KCNG3: variants seen among roughly 807,000 people sequenced by gnomAD.
KCNG3 encodes the protein voltage-gated potassium channel regulatory subunit KCNG3.
In KCNG3, 15 loss-of-function variants were observed where a neutral mutation model predicts 29.0. The observed-to-expected ratio is 0.52, with a 90% CI of 0.35 to 0.80. The LOEUF (loss-of-function observed/expected upper bound fraction) is 0.80, where lower values mean the gene tolerates loss of function less well. KCNG3 is among the 30% of genes least tolerant of loss of function. The probability of loss-of-function intolerance (pLI) is 0.01; values close to 1 mark genes in which losing one functional copy is unlikely to be tolerated. For missense variants in KCNG3, 512 were observed against 605.7 expected (o/e 0.85, Z 1.62); for synonymous variants, 322 against 248.9 (o/e 1.29, Z -2.76).
At chr2:42,391,227 C>T in the KCNG3 span, among the ~76,000 whole-genome samples, 2 of 152,116 alleles carry the variant, frequency 1.3e-5, no homozygotes, top group Non-Finnish European at 2.9e-5. Context: ...CTATTGAAAT[C>T]CCCCAGCAAG....
chr2:42,452,243 A>ATTTTT (rs771771721), intron 1 of KCNG3, among the ~76,000 whole-genome samples: 27 of 95,034 alleles, frequency 2.8e-4, no homozygotes, highest in East Asian at 1.4e-3. Flanking sequence ...ATATATATAT[A>ATTTTT]TTTTTTTTTT....
chr2:42,409,067 CTG>C, the KCNG3 span, among the ~76,000 whole-genome samples: 9 of 152,184 alleles, frequency 5.9e-5, no homozygotes, highest in African/African-American at 2.2e-4. Context: ...GCATGTCTGA[CTG>C]TGTGCAGTGG....
the KCNG3 span, among the ~76,000 whole-genome samples, chr2:42,411,894 G>A: frequency 6.6e-6 from 1 of 152,176 alleles, no homozygotes; most frequent in Non-Finnish European, 1.5e-5. Flanking sequence ...TGAAATACAA[G>A]GGCTGAAAGG....
At chr2:42,419,950 C>A in the KCNG3 span, among the ~76,000 whole-genome samples, 9 of 152,096 alleles carry the variant, frequency 5.9e-5, no homozygotes, top group Non-Finnish European at 1.0e-4. Context: ...CAGCTGGGCA[C>A]GGTGGCTCAT....
intron 1 of KCNG3, among the ~76,000 whole-genome samples, chr2:42,445,286 T>A (rs905453458): frequency 1.3e-5 from 2 of 152,120 alleles, no homozygotes; most frequent in Non-Finnish European, 2.9e-5. Context: ...AGTTCTGAGG[T>A]GGATTGGAAG....
At chr2:42,446,335 C>T (rs1170172558) in intron 1 of KCNG3, among the ~76,000 whole-genome samples, 1 of 151,594 alleles carries the variant, frequency 6.6e-6, no homozygotes, top group African/African-American at 2.4e-5. Flanking sequence ...CGCGATCACG[C>T]CTGGCTAATT....
At chr2:42,453,818 C>T (rs1023647587) in intron 1 of KCNG3, among the ~76,000 whole-genome samples, 12 of 151,972 alleles carry the variant, frequency 7.9e-5, no homozygotes, top group African/African-American at 2.7e-4. Context: ...CCAATGTTTT[C>T]GTGTAGTAGT....
chr2:42,459,066 C>T (rs1432383275), intron 1 of KCNG3, among the ~76,000 whole-genome samples: 1 of 152,018 alleles, frequency 6.6e-6, no homozygotes, highest in Non-Finnish European at 1.5e-5. Context: ...CGTGGTGGCA[C>T]ACGCCTGTAA....
At chr2:42,393,161 C>T in the KCNG3 span, among the ~76,000 whole-genome samples, 1 of 151,162 alleles carries the variant, frequency 6.6e-6, no homozygotes, top group Non-Finnish European at 1.5e-5. Context: ...TAACTTAGTA[C>T]ATAATCCAAG....
chr2:42,395,918 C>G, the KCNG3 span, among the ~76,000 whole-genome samples: 2 of 152,118 alleles, frequency 1.3e-5, no homozygotes, highest in South Asian at 2.1e-4. Flanking sequence ...CCACTGCACT[C>G]CAGCCTGGGC....
chr2:42,419,219 C>CTTTT, the KCNG3 span, among the ~76,000 whole-genome samples: 559 of 27,760 alleles, frequency 0.02, 176 homozygotes, highest in Middle Eastern at 0.1. Context: ...GATGGTATCT[C>CTTTT]TTTTTTTTTT....
At chr2:42,400,452 T>A in the KCNG3 span, among the ~76,000 whole-genome samples, 1 of 152,116 alleles carries the variant, frequency 6.6e-6, no homozygotes, top group African/African-American at 2.4e-5. Context: ...CATCTGGACC[T>A]TGGAAAGATA....
At chr2:42,432,350 C>T in the KCNG3 span, among the ~76,000 whole-genome samples, 1 of 152,228 alleles carries the variant, frequency 6.6e-6, no homozygotes, top group African/African-American at 2.4e-5. Flanking sequence ...TTCAGTGGTA[C>T]TTGTGCTCAC....
At chr2:42,408,961 G>A in the KCNG3 span, among the ~76,000 whole-genome samples, 3 of 152,126 alleles carry the variant, frequency 2.0e-5, no homozygotes, top group Non-Finnish European at 4.4e-5. Flanking sequence ...GCAAGCCATG[G>A]AATCTGCTTG....
chr2:42,472,557 T>G (rs934424534), intron 1 of KCNG3, among the ~76,000 whole-genome samples: 1 of 151,788 alleles, frequency 6.6e-6, no homozygotes, highest in African/African-American at 2.4e-5. Flanking sequence ...TGGAGTGCAC[T>G]GGCACGATCT....
chr2:42,449,514 C>CTTTTTTTTTTTTTTTTTTTTTT (rs36088470), intron 1 of KCNG3, among the ~76,000 whole-genome samples: 1 of 99,462 alleles, frequency 1.0e-5, no homozygotes, highest in African/African-American at 3.7e-5. Flanking sequence ...ACTGAGATTT[C>CTTTTTTTTTTTTTTTTTTTTTT]TTTTTTTTTT....
intron 1 of KCNG3, among the ~76,000 whole-genome samples, chr2:42,466,818 T>C (rs1673153918): frequency 1.3e-5 from 2 of 150,186 alleles, no homozygotes; most frequent in Admixed American, 6.7e-5. Flanking sequence ...AGTGGTGCGA[T>C]CTCGGCTCAC....
At chr2:42,430,473 G>A in the KCNG3 span, among the ~76,000 whole-genome samples, 1 of 152,024 alleles carries the variant, frequency 6.6e-6, no homozygotes, top group Non-Finnish European at 1.5e-5. Context: ...AAGCAGGCCA[G>A]GTAAGGTGGC....
chr2:42,418,635 T>A, the KCNG3 span, among the ~76,000 whole-genome samples: 3 of 152,210 alleles, frequency 2.0e-5, no homozygotes, highest in East Asian at 5.8e-4. Context: ...AGAGAGATAA[T>A]GAATCATTGC....
Sources: gnomAD v4.1 joint callset for allele counts (sites outside exome capture counted in the v4.1 genomes callset) on GRCh38, gnomAD v4.1.1 for gene constraint, MANE v1.5 for transcripts, NCBI Gene and HGNC (gene_info 2026-07-23, HGNC 2026-07-21) for gene names.